The following HMGN3 variants were observed in gnomAD, a reference collection of about 807,000 sequenced individuals.
HMGN3 encodes the protein high mobility group nucleosomal binding domain 3.
HMGN3 carries 6 observed loss-of-function variants against 18.8 expected under a neutral mutation model. The ratio of observed to expected loss-of-function variants is 0.32; its 90% confidence interval spans 0.18 to 0.63. The LOEUF is 0.63. Ranked by LOEUF, HMGN3 falls within the 30% of genes least tolerant of loss-of-function variation. HMGN3 has a pLI of 0.79. For synonymous variants in HMGN3, 40 were observed against 36.5 expected (o/e 1.10, Z -0.35); for missense variants, 107 against 114.2 (o/e 0.94, Z 0.29).
intron 2 of HMGN3, among the ~76,000 whole-genome samples, chr6:79,210,452 A>G (rs1776628514): frequency 6.6e-6 from 1 of 152,174 alleles, no homozygotes; most frequent in African/African-American, 2.4e-5. Context: ...ATGTCAACTC[A>G]TGTGCACCAT....
chr6:79,227,606 C>T (rs1179484007), intron 1 of HMGN3, among the ~76,000 whole-genome samples: 1 of 152,158 alleles, frequency 6.6e-6, no homozygotes, highest in Non-Finnish European at 1.5e-5. Flanking sequence ...TTCTCATAAT[C>T]AACGAAACAG....
At chr6:79,210,468 T>C (rs909364450) in intron 2 of HMGN3, among the ~76,000 whole-genome samples, 4 of 152,136 alleles carry the variant, frequency 2.6e-5, no homozygotes, top group Non-Finnish European at 5.9e-5. Flanking sequence ...ACCATGCTGG[T>C]CTTGCCTCAC....
intron 4 of HMGN3, 147 bp from the exon 5 acceptor site, chr6:79,202,536 C>T (rs1353722755): frequency 2.2e-5 from 15 of 679,426 alleles, no homozygotes; most frequent in Non-Finnish European, 3.9e-5. Context: ...CCTAATTTTG[C>T]TGGGTTTCAA....
intron 1 of HMGN3, among the ~76,000 whole-genome samples, chr6:79,227,970 G>GTGCT (rs1777640478): frequency 6.6e-6 from 1 of 152,146 alleles, no homozygotes; most frequent in East Asian, 1.9e-4. Context: ...ATCAAAAATA[G>GTGCT]GTAATCAATC....
chr6:79,223,299 C>A (rs1254663140), intron 1 of HMGN3, among the ~76,000 whole-genome samples: 1 of 152,094 alleles, frequency 6.6e-6, no homozygotes, highest in Non-Finnish European at 1.5e-5. Flanking sequence ...ATCATGAGGT[C>A]GGGAGATGGA....
At chr6:79,214,204 CTT>C (rs147294632) in intron 2 of HMGN3, among the ~76,000 whole-genome samples, 45 of 135,786 alleles carry the variant, frequency 3.3e-4, no homozygotes, top group Non-Finnish European at 2.9e-4. Flanking sequence ...AGTTCTTTTT[CTT>C]TTTTTTTTTT....
chr6:79,216,143 A>G (rs941928808), intron 1 of HMGN3, among the ~76,000 whole-genome samples: 5 of 152,244 alleles, frequency 3.3e-5, no homozygotes, highest in Admixed American at 6.5e-5. Flanking sequence ...AAAAAGACAC[A>G]GAGAATTAAT....
At chr6:79,211,463 TTG>T (rs1005197006) in intron 2 of HMGN3, among the ~76,000 whole-genome samples, 4 of 72,030 alleles carry the variant, frequency 5.6e-5, no homozygotes, top group African/African-American at 2.0e-4. Context: ...AGAATTTCTC[TTG>T]TTTTTTTTTT....
At chr6:79,229,341 T>G (rs565818326) in intron 1 of HMGN3, among the ~76,000 whole-genome samples, 1 of 152,198 alleles carries the variant, frequency 6.6e-6, no homozygotes, top group Non-Finnish European at 1.5e-5. Context: ...TAAAGAACTC[T>G]TTCAATAATA....
chr6:79,217,767 G>C, intron 1 of HMGN3, among the ~76,000 whole-genome samples: 1 of 152,298 alleles, frequency 6.6e-6, no homozygotes, highest in East Asian at 1.9e-4. Flanking sequence ...ATGGTTTTAA[G>C]GGATTAAAAC....
intron 3 of HMGN3, among the ~76,000 whole-genome samples, chr6:79,205,174 T>C (rs978903874): frequency 2.0e-5 from 3 of 152,226 alleles, no homozygotes; most frequent in Non-Finnish European, 4.4e-5. Context: ...ACTTTGGTTT[T>C]CATTTGACTT....
exon 1 of HMGN3, chr6:79,234,591 G>A (rs1471602148): frequency 2.5e-6 from 4 of 1,611,246 alleles, no homozygotes; most frequent in Admixed American, 1.7e-5. Flanking sequence ...AAAAAGTAAA[G>A]CAACGGACTG....
chr6:79,232,058 C>T (rs988313842), intron 1 of HMGN3, among the ~76,000 whole-genome samples: 8 of 152,090 alleles, frequency 5.3e-5, no homozygotes, highest in African/African-American at 1.2e-4. Context: ...AAGGTTGATA[C>T]AGGGGGCTAA....
chr6:79,203,864 C>G (rs571013263), intron 3 of HMGN3, among the ~76,000 whole-genome samples: 14 of 152,336 alleles, frequency 9.2e-5, no homozygotes, highest in African/African-American at 3.4e-4. Flanking sequence ...AAAGCCGACT[C>G]CTTATTCCCT....
At chr6:79,219,630 T>C (rs1412355062) in intron 1 of HMGN3, among the ~76,000 whole-genome samples, 3 of 152,172 alleles carry the variant, frequency 2.0e-5, no homozygotes, top group African/African-American at 7.2e-5. Flanking sequence ...ATACAACATA[T>C]AATTTTAGAT....
chr6:79,201,980 T>C, intron 5 of HMGN3, 83 bp downstream of exon 6: 2 of 1,474,518 alleles, frequency 1.4e-6, no homozygotes, highest in South Asian at 2.8e-5. Context: ...CCACTCTTCA[T>C]AATGATTAAA....
intron 2 of HMGN3, among the ~76,000 whole-genome samples, chr6:79,210,768 A>C (rs1173497934): frequency 6.6e-6 from 1 of 152,056 alleles, no homozygotes; most frequent in African/African-American, 2.4e-5. Context: ...ATCTCCATGA[A>C]GTGAGGCAAA....
At chr6:79,224,824 G>T (rs1000420201) in intron 1 of HMGN3, among the ~76,000 whole-genome samples, 5 of 152,090 alleles carry the variant, frequency 3.3e-5, no homozygotes, top group Non-Finnish European at 7.4e-5. Flanking sequence ...GTTACCAGAT[G>T]GTTACTTTAT....
intron 1 of HMGN3, among the ~76,000 whole-genome samples, chr6:79,218,752 T>C (rs1332729180): frequency 6.6e-6 from 1 of 152,206 alleles, no homozygotes; most frequent in Non-Finnish European, 1.5e-5. Flanking sequence ...TTTATTATTA[T>C]GTAAATAATA....
Sources: gnomAD v4.1 joint callset for allele counts (sites outside exome capture counted in the v4.1 genomes callset) on GRCh38, gnomAD v4.1.1 for gene constraint, MANE v1.5 for transcripts, NCBI Gene and HGNC (gene_info 2026-07-23, HGNC 2026-07-21) for gene names.